FUT9: variants seen among roughly 807,000 people sequenced by gnomAD.
The protein encoded by FUT9 is fucosyltransferase 9.
FUT9 carries 15 observed loss-of-function variants against 29.7 expected under a neutral mutation model. The observed-to-expected ratio is 0.51, with a 90% CI of 0.34 to 0.78. The LOEUF is 0.78. Ranked by LOEUF, FUT9 falls within the 30% of genes least tolerant of loss-of-function variation. FUT9 has a pLI of 0.01. For synonymous variants in FUT9, 169 were observed against 153.7 expected (o/e 1.10, Z -0.74); for missense variants, 319 against 425.4 (o/e 0.75, Z 2.20).
intron 1 of FUT9, among the ~76,000 whole-genome samples, chr6:96,068,902 G>T (rs563385010): frequency 6.6e-6 from 1 of 152,270 alleles, no homozygotes; most frequent in South Asian, 2.1e-4. Context: ...TGTGAAGTCA[G>T]ATAAACTGTC....
chr6:96,130,923 A>C (rs1225312083), intron 2 of FUT9, among the ~76,000 whole-genome samples: 1 of 152,156 alleles, frequency 6.6e-6, no homozygotes, highest in African/African-American at 2.4e-5. Flanking sequence ...TTCAAAATTT[A>C]ACATTTTCTC....
At chr6:96,166,911 T>C (rs533018600) in intron 2 of FUT9, among the ~76,000 whole-genome samples, 2 of 152,278 alleles carry the variant, frequency 1.3e-5, no homozygotes, top group Non-Finnish European at 2.9e-5. Flanking sequence ...TCATACTGCA[T>C]CATTTAGGGA....
intron 2 of FUT9, among the ~76,000 whole-genome samples, chr6:96,145,177 C>T (rs752624941): frequency 1.3e-5 from 2 of 152,166 alleles, no homozygotes; most frequent in Non-Finnish European, 2.9e-5. Flanking sequence ...CCTGCCTTAG[C>T]CTCCTGAGTA....
chr6:96,152,917 G>GTTA (rs1417378268), intron 2 of FUT9, among the ~76,000 whole-genome samples: 1 of 152,212 alleles, frequency 6.6e-6, no homozygotes, highest in Non-Finnish European at 1.5e-5. Context: ...ACACGGTTCA[G>GTTA]TTAAAGCTGA....
chr6:96,038,959 A>G (rs1770408279), intron 1 of FUT9, among the ~76,000 whole-genome samples: 1 of 152,060 alleles, frequency 6.6e-6, no homozygotes, highest in Admixed American at 6.6e-5. Context: ...CTTCCAGGAA[A>G]ACTTCCCCAA....
chr6:96,202,842 G>A (rs1382098667), intron 2 of FUT9, among the ~76,000 whole-genome samples: 1 of 152,032 alleles, frequency 6.6e-6, no homozygotes, highest in Non-Finnish European at 1.5e-5. Flanking sequence ...AGTCTAGGTT[G>A]TGCCACTTTT....
At chr6:96,042,249 A>G (rs1276147249) in intron 1 of FUT9, among the ~76,000 whole-genome samples, 1 of 152,218 alleles carries the variant, frequency 6.6e-6, no homozygotes, top group African/African-American at 2.4e-5. Flanking sequence ...GGAGGCAAGT[A>G]TCAGAAACCC....
At chr6:96,098,129 C>A (rs772645483) in intron 1 of FUT9, among the ~76,000 whole-genome samples, 6 of 151,960 alleles carry the variant, frequency 3.9e-5, no homozygotes, top group Non-Finnish European at 8.8e-5. Context: ...ATAAGACTTG[C>A]AGATTGAATA....
chr6:96,078,405 C>CTGAT (rs1201729276), intron 1 of FUT9, among the ~76,000 whole-genome samples: 1,446 of 45,152 alleles, frequency 0.032, 55 homozygotes, highest in South Asian at 0.089. Flanking sequence ...TCATATTAGT[C>CTGAT]TTCTTTTTTT....
rs188861764 is a variant in FUT9 at position 96,067,223 on chromosome 6, T to C, written c.-97-46816T>C. ...ATATATATATATGAATATATACATA[T>C]ATGTTGTATACGCACATACTCATGT... is the stretch of plus-strand genomic sequence containing the variant. On this transcript the variant is annotated intron_variant, in intron 1 of 2. Coordinates refer to ENST00000302103, the MANE Select transcript of FUT9 (RefSeq NM_006581.4). Among the ~76,000 whole-genome samples the C allele has an allele frequency of 2.9e-3, 444 of 150,966 alleles. 2 individuals carry two copies. Among genetic ancestry groups the C allele is most frequent in the African/African-American group, 0.01 (430 of 41,320 alleles).
intron 2 of FUT9, among the ~76,000 whole-genome samples, chr6:96,174,964 G>A: frequency 6.6e-6 from 1 of 152,084 alleles, no homozygotes; most frequent in East Asian, 1.9e-4. Flanking sequence ...TATCCCAAAG[G>A]GGTGGCTGAC....
At chr6:96,165,261 G>A (rs920353268) in intron 2 of FUT9, among the ~76,000 whole-genome samples, 5 of 151,640 alleles carry the variant, frequency 3.3e-5, no homozygotes, top group South Asian at 2.1e-4. Context: ...GAGAAACCCC[G>A]TCTCTACTAA....
Position 96,203,149 on chromosome 6 carries a change from A to C in FUT9, c.-7A>C. The C allele has an allele frequency of 6.3e-7, 1 of 1,580,186 alleles. No individual in the cohort carries two copies. ...CTTCTGTCTTTCTCTATTTCGTAGG[A>C]AAAATTATGACATCAACATCCAAAG... On this transcript the variant is annotated splice_region_variant and 5_prime_UTR_variant, in exon 3 of 3. An upstream open reading frame in the 5' UTR loses its in-frame stop. Transcript: ENST00000302103.
At chr6:96,106,387 A>G (rs1417233245) in intron 1 of FUT9, among the ~76,000 whole-genome samples, 1 of 152,130 alleles carries the variant, frequency 6.6e-6, no homozygotes, top group Non-Finnish European at 1.5e-5. Context: ...TTTTAAAAGG[A>G]AGTATTCAAT....
At chr6:96,132,807 A>G (rs1772271710) in intron 2 of FUT9, among the ~76,000 whole-genome samples, 1 of 152,166 alleles carries the variant, frequency 6.6e-6, no homozygotes, top group African/African-American at 2.4e-5. Context: ...TAAAACATTT[A>G]TGAAGTATAA....
At chr6:96,022,836 A>T (rs1590474) in intron 1 of FUT9, among the ~76,000 whole-genome samples, 4,182 of 151,938 alleles carry the variant, frequency 0.028, 219 homozygotes, top group Admixed American at 0.12. Flanking sequence ...GTAGCAAGCT[A>T]ATAGCTGCTT....
intron 2 of FUT9, among the ~76,000 whole-genome samples, chr6:96,192,004 C>G (rs1052157106): frequency 3.3e-5 from 5 of 151,642 alleles, no homozygotes; most frequent in Non-Finnish European, 5.9e-5. Flanking sequence ...ATTCAACAGC[C>G]CTTCATGCAA....
intron 2 of FUT9, among the ~76,000 whole-genome samples, chr6:96,163,958 T>C (rs892265748): frequency 6.6e-6 from 1 of 152,194 alleles, no homozygotes; most frequent in Admixed American, 6.5e-5. Flanking sequence ...ATAACATGCC[T>C]GTGACACAAC....
intron 2 of FUT9, among the ~76,000 whole-genome samples, chr6:96,164,540 G>C (rs1473569830): frequency 6.6e-6 from 1 of 152,166 alleles, no homozygotes; most frequent in African/African-American, 2.4e-5. Flanking sequence ...TTACAGGCGT[G>C]AGCCACATTA....
Sources: allele counts gnomAD v4.1 joint callset (sites outside exome capture counted in the v4.1 genomes callset), GRCh38; gene constraint gnomAD v4.1.1; transcripts MANE v1.5; gene names NCBI Gene and HGNC (gene_info 2026-07-23, HGNC 2026-07-21).